Variants in NSD3 observed in about 807,000 individuals in gnomAD.
NSD3 encodes nuclear receptor binding SET domain protein 3.
In NSD3, 24 loss-of-function variants were observed where a neutral mutation model predicts 160.8. The ratio of observed to expected loss-of-function variants is 0.15; its 90% CI spans 0.11 to 0.21. The LOEUF (loss-of-function observed/expected upper bound fraction) is 0.21. Among genes scored for constraint, NSD3 ranks in the 10% least tolerant of loss-of-function variants. The pLI is 1.00. For missense variants in NSD3, 1,157 were observed against 1,735.9 expected (o/e 0.67, Z 5.93); for synonymous variants, 520 against 600.0 (o/e 0.87, Z 1.95).
At position 38,269,883 on chromosome 8, in the gene NSD3, T is replaced by C. The variant is rs1263229676; in HGVS notation, c.*5758A>G. The C allele has an allele frequency of 6.6e-6, 1 of 152,244 alleles. No individual in the cohort carries two copies. The highest frequency in any genetic ancestry group is 1.5e-5 in the Non-Finnish European group (1 of 68,054). The allele number at this position is 152,244 out of a possible 1,614,324, so 9.4% of individuals were successfully genotyped here. ...GTAAATATAATGTACAAAAATTATA[T>C]GTTCCTACCAGCACACACATCAGTA... On this transcript the variant is annotated 3_prime_UTR_variant, in exon 24 of 24. Transcript: ENST00000317025.
chr8:38,293,963 T>C (rs984715187), intron 16 of NSD3, among the ~76,000 whole-genome samples: 3 of 140,046 alleles, frequency 2.1e-5, no homozygotes, highest in Admixed American at 7.2e-5. Flanking sequence ...AAGAGAAATA[T>C]ATTTTACCTA....
chr8:38,343,618 G>A (rs188794470), intron 2 of NSD3, among the ~76,000 whole-genome samples: 4 of 152,214 alleles, frequency 2.6e-5, no homozygotes, highest in Admixed American at 6.5e-5. Context: ...CAGGATAATC[G>A]CTTGAATCCT....
Position 38,299,965 on chromosome 8 carries a change from T to C in NSD3, c.2612-375A>G, listed in dbSNP as rs74363562. On this transcript the variant is annotated intron_variant, in intron 14 of 23. Transcript: ENST00000317025. ...CAAAATGATATTATATATCATGTAA[T>C]GAGATAGAAATAAGAATCATTTACA... Among the ~76,000 whole-genome samples the C allele has an allele frequency of 7.6e-3, 1,152 of 151,938 alleles. 17 individuals carry two copies. Among genetic ancestry groups the C allele is most frequent in the African/African-American group, 0.027 (1,104 of 41,476 alleles).
At chr8:38,287,799 C>T (rs552956372) in intron 19 of NSD3, among the ~76,000 whole-genome samples, 10 of 152,158 alleles carry the variant, frequency 6.6e-5, no homozygotes, top group Admixed American at 2.0e-4. Context: ...ACTACAGGTG[C>T]CCGCTACCAC....
Position 38,338,523 on chromosome 8 carries a change from T to G in NSD3, c.747+13A>C. The G allele has an allele frequency of 6.2e-7, 1 of 1,610,162 alleles. No homozygotes were observed. The highest frequency in any genetic ancestry group is 2.2e-5 in the East Asian group (1 of 44,812). ...CCATATTTGGTTAGACAGTATTCAG[T>G]AAAACAACTTACTGGGGCTTCCTCT... On this transcript the variant is annotated intron_variant, in intron 3 of 23. Coordinates refer to ENST00000317025, the MANE Select transcript of NSD3 (RefSeq NM_023034.2).
rs570266783 is a variant in NSD3 at position 38,278,217 on chromosome 8, C to A, written c.3867+89G>T. On this transcript the variant is annotated intron_variant, in intron 22 of 23. Transcript: ENST00000317025. ...CCTCCCAAAGTGCTGGGATTACAGGCATGAGCCACCGCGCCCGGCCAAACA... is the reference window on the plus strand; with the variant it reads ...CCTCCCAAAGTGCTGGGATTACAGGAATGAGCCACCGCGCCCGGCCAAACA... 10 of 1,153,098 alleles carry A rather than the reference C, an allele frequency of 8.7e-6. No individual in the cohort carries two copies. The South Asian group carries it at 1.0e-4, about 12-fold the overall frequency. 71.4% of individuals were successfully genotyped at this position (1,153,098 alleles called of 1,614,324 possible).
Position 38,371,590 on chromosome 8 carries a change from A to G in NSD3, c.-45+10209T>C, listed in dbSNP as rs542060986. ...ATTTAACCTTCAGTGGGAGTAAAAA[A>G]GAATAACATGCTATTGCACTACAGA... On this transcript the variant is annotated intron_variant, in intron 1 of 23. Transcript: ENST00000317025. Among the ~76,000 whole-genome samples, 23 of 152,334 alleles carry G rather than the reference A, an allele frequency of 1.5e-4. No individual in the cohort carries two copies. In the South Asian group the frequency reaches 4.6e-3, roughly 30 times the overall value.
At chr8:38,346,669 C>T (rs540467551) in intron 2 of NSD3, among the ~76,000 whole-genome samples, 1 of 152,020 alleles carries the variant, frequency 6.6e-6, no homozygotes, top group African/African-American at 2.4e-5. Context: ...ACCTTTACTC[C>T]AGAAAAACAT....
intron 2 of NSD3, among the ~76,000 whole-genome samples, chr8:38,343,076 A>G (rs893787076): frequency 1.3e-5 from 2 of 151,724 alleles, no homozygotes; most frequent in Admixed American, 6.6e-5. Flanking sequence ...CACACCTGTA[A>G]TTCCAGCTAC....
intron 12 of NSD3, among the ~76,000 whole-genome samples, chr8:38,312,321 C>T (rs1225342340): frequency 6.6e-6 from 1 of 152,082 alleles, no homozygotes; most frequent in Non-Finnish European, 1.5e-5. Flanking sequence ...GCAAATTTCC[C>T]TCTTAAATTT....
chr8:38,374,984 A>G (rs1811353539), intron 1 of NSD3, among the ~76,000 whole-genome samples: 2 of 152,180 alleles, frequency 1.3e-5, no homozygotes, highest in Admixed American at 6.5e-5. Context: ...AGCCTGGGCA[A>G]CAGAGGGAGA....
intron 4 of NSD3, among the ~76,000 whole-genome samples, chr8:38,331,876 CT>C (rs976662723): frequency 2.0e-5 from 3 of 152,232 alleles, no homozygotes; most frequent in Non-Finnish European, 4.4e-5. Flanking sequence ...TTCTCATTAA[CT>C]TTTTAACAAA....
At position 38,295,735 on chromosome 8, in the gene NSD3, G is replaced by C. The variant is rs901015622; in HGVS notation, c.2915+61C>G. ...CTATCTCCAAGTCACTCTGTATCCA[G>C]AGTATGAAACTGGTCTGCACAATGA... On this transcript the variant is annotated intron_variant, in intron 16 of 23. Transcript: ENST00000317025. The C allele has an allele frequency of 2.6e-6, 4 of 1,511,990 alleles. No homozygotes were observed. In the African/African-American group the frequency reaches 5.6e-5, roughly 21 times the overall value. 93.7% of individuals were successfully genotyped at this position (1,511,990 alleles called of 1,614,324 possible).
chr8:38,275,784 T>C lies in NSD3; in HGVS notation c.4171A>G (p.Lys1391Glu). 1 of 1,614,152 alleles carries C rather than the reference T, an allele frequency of 6.2e-7. No individual in the cohort carries two copies. The highest frequency in any genetic ancestry group is 8.5e-7 in the Non-Finnish European group (1 of 1,180,036). ...AGTGCAGAGGGAACCAGGGCCCCCT[T>C]TTCATGATCTTTACAAAATGAATGT... ...CPHSFCKDHE[K>E]GALVPSALEG... The change falls in exon 24 of 24, where the codon AAG (lysine) becomes GAG (glutamate). Residue 1391 changes from lysine (K) to glutamate (E), a missense_variant. Transcript: ENST00000317025.
intron 1 of NSD3, among the ~76,000 whole-genome samples, chr8:38,375,977 A>G (rs1811378241): frequency 6.6e-6 from 1 of 151,940 alleles, no homozygotes; most frequent in African/African-American, 2.4e-5. Context: ...TAAGTAACCC[A>G]TTTTCTTCTT....
chr8:38,284,318 CA>C (rs201286392), intron 19 of NSD3, among the ~76,000 whole-genome samples: 4,518 of 152,322 alleles, frequency 0.03, 106 homozygotes, highest in Non-Finnish European at 0.048. Context: ...GATATGATAT[CA>C]AAGGGTAGCA....
intron 1 of NSD3, among the ~76,000 whole-genome samples, chr8:38,361,928 G>T (rs973211660): frequency 1.3e-5 from 2 of 151,916 alleles, no homozygotes; most frequent in African/African-American, 2.4e-5. Flanking sequence ...AGAGAGAGGA[G>T]CTCCTTTCCA....
At chr8:38,333,280 C>G (rs532224833) in intron 4 of NSD3, among the ~76,000 whole-genome samples, 1 of 152,162 alleles carries the variant, frequency 6.6e-6, no homozygotes, top group African/African-American at 2.4e-5. Flanking sequence ...AAATCATTTA[C>G]TAGAGAGGAA....
intron 1 of NSD3, among the ~76,000 whole-genome samples, chr8:38,361,850 C>A (rs1421526783): frequency 6.7e-6 from 1 of 149,920 alleles, no homozygotes; most frequent in Non-Finnish European, 1.5e-5. Context: ...GGTGTGACGA[C>A]GGGGAGAGAG....
Sources: gnomAD v4.1 joint callset for allele counts (sites outside exome capture counted in the v4.1 genomes callset) on GRCh38, gnomAD v4.1.1 for gene constraint, MANE v1.5 for transcripts, NCBI Gene and HGNC (gene_info 2026-07-23, HGNC 2026-07-21) for gene names.